FOXN3: variants seen among roughly 807,000 people sequenced by gnomAD.
FOXN3 encodes forkhead box N3, also known as forkhead box protein N3.
FOXN3 carries 7 observed loss-of-function variants against 38.4 expected under a neutral mutation model. That is an observed-to-expected ratio of 0.18 (90% CI 0.10 to 0.34). The LOEUF (loss-of-function observed/expected upper bound fraction) is 0.34. Among genes scored for constraint, FOXN3 ranks in the 10% least tolerant of loss-of-function variants. The pLI is 1.00. For synonymous variants in FOXN3, 230 were observed against 242.2 expected (o/e 0.95, Z 0.47); for missense variants, 456 against 613.4 (o/e 0.74, Z 2.71).
chr14:89,564,626 C>A (rs779643153), intron 1 of FOXN3, among the ~76,000 whole-genome samples: 1 of 152,140 alleles, frequency 6.6e-6, no homozygotes, highest in African/African-American at 2.4e-5. Flanking sequence ...AAACCTTACC[C>A]GACCTCACCT....
chr14:89,520,558 G>A (rs935739198), intron 1 of FOXN3, among the ~76,000 whole-genome samples: 1 of 152,198 alleles, frequency 6.6e-6, no homozygotes, highest in African/African-American at 2.4e-5. Context: ...CTATACATAT[G>A]TAGGGAAAAT....
At position 89,458,716 on chromosome 14, in the gene FOXN3, G is replaced by C. The variant is rs191953693; in HGVS notation, c.-14-46226C>G. On this transcript the variant is annotated intron_variant, in intron 1 of 6. Coordinates refer to the FOXN3 transcript ENST00000345097. ...TCTCAACACTGCAGGCTATTTTGTCGGGGGTGTGGAGCCCTCTCTGCTGGT... is the reference window on the plus strand; with the variant it reads ...TCTCAACACTGCAGGCTATTTTGTCCGGGGTGTGGAGCCCTCTCTGCTGGT... Among the ~76,000 whole-genome samples, 26 of 152,128 alleles carry C rather than the reference G, an allele frequency of 1.7e-4. 1 individual carries two copies. In the East Asian group the frequency reaches 4.4e-3, roughly 26 times the overall value.
At chr14:89,255,579 C>A (rs1312837416) in intron 4 of FOXN3, among the ~76,000 whole-genome samples, 1 of 152,176 alleles carries the variant, frequency 6.6e-6, no homozygotes, top group Non-Finnish European at 1.5e-5. Flanking sequence ...ATCCAACACT[C>A]TTCTCCTGGT....
At chr14:89,188,857 T>A (rs556894018) in intron 4 of FOXN3, among the ~76,000 whole-genome samples, 5 of 151,964 alleles carry the variant, frequency 3.3e-5, no homozygotes, top group East Asian at 1.9e-4. Flanking sequence ...AAAAAAAAAA[T>A]TTAAAAACAT....
intron 1 of FOXN3, among the ~76,000 whole-genome samples, chr14:89,464,742 A>G (rs761822938): frequency 2.0e-5 from 3 of 151,818 alleles, no homozygotes; most frequent in Non-Finnish European, 2.9e-5. Context: ...TCTGTCGCCA[A>G]GCTGGGGTAC....
At chr14:89,186,799 C>T (rs80314190) in intron 4 of FOXN3, among the ~76,000 whole-genome samples, 1,727 of 152,308 alleles carry the variant, frequency 0.011, 47 homozygotes, top group South Asian at 0.072. Flanking sequence ...TGCACACTGC[C>T]GCTGCACTGC....
At chr14:89,356,485 G>A (rs772547745) in intron 2 of FOXN3, 1 of 152,154 alleles carries the variant, frequency 6.6e-6, no homozygotes, top group Non-Finnish European at 1.5e-5. Context: ...TTATGCAGAT[G>A]ATATTTACAC....
At chr14:89,604,222 C>T (rs973807227) in intron 1 of FOXN3, among the ~76,000 whole-genome samples, 1 of 148,126 alleles carries the variant, frequency 6.8e-6, no homozygotes, top group East Asian at 2.0e-4. Context: ...CACACACACA[C>T]ACACACACAC....
At chr14:89,292,738 G>C (rs546155870) in intron 3 of FOXN3, among the ~76,000 whole-genome samples, 1 of 152,060 alleles carries the variant, frequency 6.6e-6, no homozygotes, top group South Asian at 2.1e-4. Context: ...CCAGCATAGC[G>C]AGAGATCTAT....
At chr14:89,173,941 C>T (rs1269471178) in intron 5 of FOXN3, among the ~76,000 whole-genome samples, 1 of 151,950 alleles carries the variant, frequency 6.6e-6, no homozygotes, top group Non-Finnish European at 1.5e-5. Flanking sequence ...TGCAGTGAGC[C>T]GTGATTGTGC....
Position 89,581,579 on chromosome 14 carries a change from C to T in FOXN3, c.-15+37449G>A, listed in dbSNP as rs373227166. Among the ~76,000 whole-genome samples the T allele has an allele frequency of 7.9e-5, 12 of 152,168 alleles. No individual in the cohort carries two copies. In the East Asian group the frequency reaches 9.6e-4, roughly 12 times the overall value. ...TGATACGTGTCATCCGACTATTCCC[C>T]GGTACCTGCTCTTTTCCCTCAAAAC... On this transcript the variant is annotated intron_variant, in intron 1 of 6. Transcript: ENST00000345097.
intron 1 of FOXN3, among the ~76,000 whole-genome samples, chr14:89,464,246 C>T (rs960763872): frequency 2.0e-5 from 3 of 152,150 alleles, no homozygotes; most frequent in Non-Finnish European, 2.9e-5. Context: ...CTTTCTGTTT[C>T]CCAGACCTGC....
chr14:89,257,985 GC>G (rs1178225892), intron 4 of FOXN3, among the ~76,000 whole-genome samples: 4 of 152,130 alleles, frequency 2.6e-5, no homozygotes, highest in Non-Finnish European at 5.9e-5. Context: ...GCAGAGTAGA[GC>G]CTTCATGGTT....
intron 4 of FOXN3, among the ~76,000 whole-genome samples, chr14:89,198,009 G>A (rs1474905749): frequency 2.6e-5 from 4 of 152,154 alleles, no homozygotes; most frequent in African/African-American, 9.7e-5. Flanking sequence ...CCCCTACAAT[G>A]AAGAAAAAAT....
At chr14:89,353,256 C>T (rs1211960259) in intron 2 of FOXN3, 1 of 152,168 alleles carries the variant, frequency 6.6e-6, no homozygotes, top group Non-Finnish European at 1.5e-5. Context: ...TATAAAACAC[C>T]TTCAGTAGCG....
At chr14:89,346,209 A>G (rs545313940) in intron 3 of FOXN3, among the ~76,000 whole-genome samples, 1 of 152,192 alleles carries the variant, frequency 6.6e-6, no homozygotes, top group Non-Finnish European at 1.5e-5. Flanking sequence ...GGTTGGTTCC[A>G]TATCTTTGCA....
chr14:89,498,194 TTCTC>T lies in FOXN3; in HGVS notation c.-14-85708_-14-85705del, dbSNP rs747063601. ...ATATTCTCCTATTCTCTCTGGCTGC[TTCTC>T]TCTCTCTCTCTCTTTTTTTTTTTTT... On this transcript the variant is annotated intron_variant, in intron 1 of 6. Coordinates refer to the FOXN3 transcript ENST00000345097. Among the ~76,000 whole-genome samples, 215 of 145,112 alleles carry T rather than the reference TTCTC, an allele frequency of 1.5e-3. 3 individuals carry two copies. Among genetic ancestry groups the T allele is most frequent in the African/African-American group, 5.1e-3 (193 of 38,158 alleles).
At chr14:89,530,715 TTC>T (rs1185738276) in intron 1 of FOXN3, among the ~76,000 whole-genome samples, 1 of 151,550 alleles carries the variant, frequency 6.6e-6, no homozygotes, top group East Asian at 1.9e-4. Flanking sequence ...GTTCAAGGGA[TTC>T]TCCTGCTTTA....
chr14:89,574,125 T>C (rs564401620), intron 1 of FOXN3, among the ~76,000 whole-genome samples: 1 of 152,336 alleles, frequency 6.6e-6, no homozygotes, highest in Non-Finnish European at 1.5e-5. Flanking sequence ...ATTATCTCCA[T>C]GGCCACTGTT....
Sources: allele counts gnomAD v4.1 joint callset (sites outside exome capture counted in the v4.1 genomes callset), GRCh38; gene constraint gnomAD v4.1.1; transcripts MANE v1.5; gene names NCBI Gene and HGNC (gene_info 2026-07-23, HGNC 2026-07-21).